Variants in TTLL5 observed in about 807,000 individuals in gnomAD.
The protein encoded by TTLL5 is tubulin polyglutamylase TTLL5.
In TTLL5, 132 loss-of-function variants were observed where a neutral mutation model predicts 168.4. The ratio of observed to expected loss-of-function variants is 0.78; its 90% CI spans 0.68 to 0.91. The LOEUF is 0.91. Among genes scored for constraint, TTLL5 ranks in the 40% least tolerant of loss-of-function variants. TTLL5 has a pLI of 0.00. For synonymous variants in TTLL5, 546 were observed against 558.6 expected (o/e 0.98, Z 0.32); for missense variants, 1,545 against 1,581.5 (o/e 0.98, Z 0.39).
intron 26 of TTLL5, among the ~76,000 whole-genome samples, chr14:75,787,629 G>A (rs996174752): frequency 6.6e-6 from 1 of 152,116 alleles, no homozygotes. Flanking sequence ...AGGATAAAGA[G>A]GATTTGAACA....
rs1450814647 is a variant in TTLL5, at chr14:75,820,019, A to C, written c.3184A>C (p.Asn1062His). 6.2e-7 allele frequency: 1 copy of C among 1,600,682 alleles called. No individual in the cohort carries two copies. The highest frequency in any genetic ancestry group is 8.5e-7 in the Non-Finnish European group (1 of 1,174,818). ...GCTTTATTTCTAGGTAACAAACCTG[A>C]ATTTGGCAACTGGCATCATAAACAG... Reference protein sequence around the residue: ...NLLTQQVTNLNLATGIINRSS... With the variant: ...NLLTQQVTNLHLATGIINRSS... Residue 1062 changes from asparagine to histidine, a missense_variant, in exon 28 of 32, where the codon AAT becomes CAT. Transcript: ENST00000298832.
At chr14:75,817,378 C>A (rs1368354607) in intron 27 of TTLL5, among the ~76,000 whole-genome samples, 1 of 152,072 alleles carries the variant, frequency 6.6e-6, no homozygotes, top group Non-Finnish European at 1.5e-5. Flanking sequence ...AGTTTTTCTT[C>A]CAAAGACTGG....
chr14:75,730,412 T>C (rs561242819), intron 12 of TTLL5, among the ~76,000 whole-genome samples: 12 of 152,302 alleles, frequency 7.9e-5, no homozygotes, highest in African/African-American at 2.9e-4. Flanking sequence ...GTATAGGCAA[T>C]GTATAAATTT....
chr14:75,697,370 G>C (rs1201881104), intron 6 of TTLL5, among the ~76,000 whole-genome samples: 1 of 152,162 alleles, frequency 6.6e-6, no homozygotes, highest in Non-Finnish European at 1.5e-5. Flanking sequence ...TAGAACTAGA[G>C]GATATAGTTC....
Position 75,770,361 on chromosome 14 carries a change from A to G in TTLL5, c.2016-1373A>G, listed in dbSNP as rs565331064. ...CCCAGCCTGACTCCCTTGCCCTCCA[A>G]TTCTCCAACATACACATGGAAGCTA... On this transcript the variant is annotated intron_variant, in intron 20 of 31. Transcript: ENST00000298832. Among the ~76,000 whole-genome samples, 15 of 152,172 alleles carry G rather than the reference A, an allele frequency of 9.9e-5. No individual in the cohort carries two copies. The South Asian group carries it at 2.3e-3, about 23-fold the overall frequency.
At chr14:75,746,057 T>TTATC (rs1409764509) in intron 17 of TTLL5, among the ~76,000 whole-genome samples, 1 of 152,180 alleles carries the variant, frequency 6.6e-6, no homozygotes, top group Non-Finnish European at 1.5e-5. Flanking sequence ...GTAGCCCTCT[T>TTATC]TATCCCCTTT....
At chr14:75,926,365 T>A (rs1195378649) in intron 31 of TTLL5, among the ~76,000 whole-genome samples, 1 of 152,010 alleles carries the variant, frequency 6.6e-6, no homozygotes, top group Non-Finnish European at 1.5e-5. Context: ...GTTAATATTG[T>A]TACGTGTGAA....
chr14:75,912,145 A>G (rs1169564568), intron 31 of TTLL5, among the ~76,000 whole-genome samples: 6 of 150,346 alleles, frequency 4.0e-5, no homozygotes, highest in African/African-American at 1.2e-4. Flanking sequence ...CGCCCTACTC[A>G]TGACGTGACT....
intron 5 of TTLL5, 152 bp downstream of exon 5, chr14:75,683,808 C>G (rs1206052840): frequency 1.9e-6 from 1 of 538,992 alleles, no homozygotes; most frequent in East Asian, 3.6e-5. Flanking sequence ...GAGTATCGCT[C>G]TGTCACCCAG....
chr14:75,879,910 A>G (rs2140014316), intron 29 of TTLL5, among the ~76,000 whole-genome samples: 1 of 152,354 alleles, frequency 6.6e-6, no homozygotes, highest in East Asian at 1.9e-4. Context: ...CAGATAATGT[A>G]TTACCTGCTT....
chr14:75,710,859 C>T (rs533909706), intron 9 of TTLL5: 23 of 152,270 alleles, frequency 1.5e-4, no homozygotes, highest in African/African-American at 5.1e-4. Flanking sequence ...TATTGGGTTA[C>T]GTTGAGGCTC....
intron 9 of TTLL5, chr14:75,710,852 T>C (rs1887023714): frequency 6.6e-6 from 1 of 152,222 alleles, no homozygotes; most frequent in African/African-American, 2.4e-5. Flanking sequence ...ATGAGATTAT[T>C]GGGTTACGTT....
chr14:75,813,865 CCTGT>C (rs1211243007), intron 27 of TTLL5, among the ~76,000 whole-genome samples: 2 of 151,366 alleles, frequency 1.3e-5, no homozygotes, highest in Non-Finnish European at 2.9e-5. Context: ...TCAACTATCT[CCTGT>C]CTGTTTTCCA....
chr14:75,754,151 TA>T (rs2140276622), intron 18 of TTLL5, among the ~76,000 whole-genome samples: 1 of 152,300 alleles, frequency 6.6e-6, no homozygotes, highest in African/African-American at 2.4e-5. Context: ...CCACACAGGA[TA>T]GGGGTGTTTA....
chr14:75,713,183 A>T (rs1358749174), intron 9 of TTLL5, among the ~76,000 whole-genome samples: 1 of 152,248 alleles, frequency 6.6e-6, no homozygotes, highest in South Asian at 2.1e-4. Context: ...GACCACATAT[A>T]CTATGGTATC....
intron 30 of TTLL5, among the ~76,000 whole-genome samples, chr14:75,883,401 T>C (rs1440535874): frequency 6.6e-6 from 1 of 152,226 alleles, no homozygotes; most frequent in African/African-American, 2.4e-5. Flanking sequence ...TCCAGCCACT[T>C]TTTAGCCAGT....
chr14:75,909,820 A>G (rs1439067409), intron 31 of TTLL5, among the ~76,000 whole-genome samples: 1 of 152,216 alleles, frequency 6.6e-6, no homozygotes, highest in African/African-American at 2.4e-5. Context: ...GCCACACAAG[A>G]AGGATGTGGA....
At chr14:75,805,669 G>A (rs1416624257) in intron 27 of TTLL5, among the ~76,000 whole-genome samples, 1 of 152,140 alleles carries the variant, frequency 6.6e-6, no homozygotes, top group Non-Finnish European at 1.5e-5. Flanking sequence ...AATACTTGAT[G>A]TATTTTGAAC....
chr14:75,936,968 T>A (rs985408363), intron 31 of TTLL5, among the ~76,000 whole-genome samples: 3 of 152,186 alleles, frequency 2.0e-5, no homozygotes, highest in Admixed American at 6.6e-5. Flanking sequence ...ATAAAACAAT[T>A]CATGCAATAA....
Sources: gnomAD v4.1 joint callset for allele counts (sites outside exome capture counted in the v4.1 genomes callset) on GRCh38, gnomAD v4.1.1 for gene constraint, MANE v1.5 for transcripts, NCBI Gene and HGNC (gene_info 2026-07-23, HGNC 2026-07-21) for gene names.